The following MYRIP variants were observed in gnomAD, a reference collection of about 807,000 sequenced individuals.
MYRIP encodes rab effector MyRIP.
Under a neutral mutation model 98.0 loss-of-function variants are expected in MYRIP, and 49 were observed. That is an observed-to-expected ratio of 0.50 (90% confidence interval 0.40 to 0.63). The LOEUF (loss-of-function observed/expected upper bound fraction) is 0.63. MYRIP is among the 30% of genes least tolerant of loss of function. The pLI is 0.00. For missense variants in MYRIP, 1,004 were observed against 1,058.2 expected, an observed-to-expected ratio of 0.95 and a Z score of 0.71; for synonymous variants, 404 against 409.5, an observed-to-expected ratio of 0.99 and a Z score of 0.16.
In MYRIP at chr3:39,820,265, G is replaced by T. The variant is rs1046240254; in HGVS notation, c.-31+10349G>T. 1.7e-4 allele frequency among the ~76,000 whole-genome samples: 26 copies of T among 152,174 alleles called. 1 individual carries two copies. Among genetic ancestry groups the T allele is most frequent in the Admixed American group, 6.5e-4 (10 of 15,282 alleles). On this transcript the variant is annotated intron_variant, in intron 1 of 16. Transcript: ENST00000302541. ...TGATATGGTTCCCTCTTTTTGGTGT[G>T]AAATGTAACTATCTCAAAGTGTGTT...
chr3:39,979,517 A>T (rs1400820220), intron 2 of MYRIP, among the ~76,000 whole-genome samples: 1 of 152,120 alleles, frequency 6.6e-6, no homozygotes, highest in Non-Finnish European at 1.5e-5. Context: ...GCATGCCTGT[A>T]ATCCCAGCTA....
chr3:40,190,092 G>C lies in MYRIP; in HGVS notation c.1294G>C (p.Asp432His). The C allele has an allele frequency of 6.2e-7, 1 of 1,613,942 alleles. No individual in the cohort carries two copies. The highest frequency in any genetic ancestry group is 8.5e-7 in the Non-Finnish European group (1 of 1,179,926). ...TCAGCCCACACAGGCCCAGAGCTCTGACCAAGGCCCCATAGCTGCCTCCCC... is the reference window on the plus strand; with the variant it reads ...TCAGCCCACACAGGCCCAGAGCTCTCACCAAGGCCCCATAGCTGCCTCCCC... ...QPQPTQAQSS[D>H]QGPIAASPSS... is the part of the protein sequence containing the mutation. Residue 432 changes from aspartate (D) to histidine (H), a missense_variant, in exon 10 of 17, where the codon GAC becomes CAC. Asp to His is a moderately conservative substitution (Grantham distance 81). Transcript: ENST00000302541.
chr3:40,218,165 CCA>C (rs896502068), intron 11 of MYRIP, among the ~76,000 whole-genome samples: 11 of 151,982 alleles, frequency 7.2e-5, no homozygotes, highest in Non-Finnish European at 1.5e-4. Flanking sequence ...AGACCTATGT[CCA>C]CACACACAGA....
chr3:39,957,974 G>A (rs144740172), intron 2 of MYRIP, among the ~76,000 whole-genome samples: 4,415 of 152,208 alleles, frequency 0.029, 211 homozygotes, highest in African/African-American at 0.1. Flanking sequence ...ACTTACAAGG[G>A]ATGTGAAGGA....
chr3:39,863,644 T>A (rs1445013420), intron 1 of MYRIP, among the ~76,000 whole-genome samples: 1 of 152,180 alleles, frequency 6.6e-6, no homozygotes. Context: ...CAGATCAATA[T>A]GAGTTCTTAA....
chr3:40,092,575 G>C lies in MYRIP; in HGVS notation c.332+48304G>C, dbSNP rs149504255. Among the ~76,000 whole-genome samples the C allele has an allele frequency of 1.2e-4, 18 of 152,326 alleles. No homozygotes were observed. The East Asian group carries it at 3.5e-3, about 29-fold the overall frequency. On this transcript the variant is annotated intron_variant, in intron 3 of 16. Coordinates refer to ENST00000302541, the MANE Select transcript of MYRIP (RefSeq NM_015460.4). ...TCAGGTTGGTCACCCAGAACCCTGT[G>C]AAGGGAAGGTGAAGGTTCTTAAAGT...
chr3:40,102,240 G>A (rs1948958912), intron 3 of MYRIP, among the ~76,000 whole-genome samples: 1 of 152,180 alleles, frequency 6.6e-6, no homozygotes, highest in Non-Finnish European at 1.5e-5. Context: ...ATGAATGAGG[G>A]AAGTATCCTG....
At chr3:39,973,410 T>G (rs892615817) in intron 2 of MYRIP, among the ~76,000 whole-genome samples, 15 of 152,022 alleles carry the variant, frequency 9.9e-5, no homozygotes, top group Non-Finnish European at 4.4e-5. Context: ...AGCAAGTCCT[T>G]AGAGACCTAC....
intron 3 of MYRIP, among the ~76,000 whole-genome samples, chr3:40,136,150 G>A (rs896210901): frequency 4.5e-4 from 68 of 152,152 alleles, no homozygotes; most frequent in South Asian, 1.0e-3. Flanking sequence ...TCTCATGTGC[G>A]GAGACAAACA....
chr3:40,010,293 C>T (rs1371635084), intron 2 of MYRIP, among the ~76,000 whole-genome samples: 3 of 152,190 alleles, frequency 2.0e-5, no homozygotes, highest in East Asian at 1.9e-4. Flanking sequence ...CAGGAACTCA[C>T]GGAAAGCTGG....
chr3:40,108,174 T>TGAGAGAGAGAGAGAGAGAGAGA (rs72224557), intron 3 of MYRIP, among the ~76,000 whole-genome samples: 1 of 138,204 alleles, frequency 7.2e-6, no homozygotes, highest in African/African-American at 2.7e-5. Flanking sequence ...GCAGTGTTTG[T>TGAGAGAGAGAGAGAGAGAGAGA]GAGAGAGAGA....
Position 40,225,979 on chromosome 3 carries a change from C to T in MYRIP, c.1906-7880C>T, listed in dbSNP as rs140294102. On this transcript the variant is annotated intron_variant, in intron 11 of 16. Transcript: ENST00000302541. The stretch of plus-strand genomic sequence containing the variant: ...TGTCCACTGTCCCTAATAGTTCCCC[C>T]TAAGGAACATTTGTAAGTCACAGGG... Among the ~76,000 whole-genome samples, 123 of 152,212 alleles carry T rather than the reference C, an allele frequency of 8.1e-4. 1 individual carries two copies. The highest frequency in any genetic ancestry group is 2.5e-3 in the African/African-American group (104 of 41,540).
chr3:39,823,274 A>G (rs1342984238), intron 1 of MYRIP, among the ~76,000 whole-genome samples: 1 of 152,070 alleles, frequency 6.6e-6, no homozygotes, highest in Non-Finnish European at 1.5e-5. Context: ...TCGGCCTCCC[A>G]AAGTGCTGGG....
intron 2 of MYRIP, among the ~76,000 whole-genome samples, chr3:39,933,121 T>G (rs575831556): frequency 7.0e-4 from 107 of 152,198 alleles, no homozygotes; most frequent in Non-Finnish European, 1.4e-3. Context: ...TATTCACCCA[T>G]CATTGCAAAG....
At chr3:39,822,908 T>C (rs1254228703) in intron 1 of MYRIP, among the ~76,000 whole-genome samples, 2 of 151,876 alleles carry the variant, frequency 1.3e-5, no homozygotes, top group East Asian at 3.9e-4. Flanking sequence ...TCCTGGTGTA[T>C]ATATACACCT....
intron 2 of MYRIP, among the ~76,000 whole-genome samples, chr3:39,956,995 T>C (rs1435714714): frequency 2.0e-5 from 3 of 151,822 alleles, no homozygotes; most frequent in Non-Finnish European, 4.4e-5. Flanking sequence ...GTTGAATCCC[T>C]GAATAGACCA....
chr3:39,845,729 G>A (rs1390294993), intron 1 of MYRIP, among the ~76,000 whole-genome samples: 1 of 151,742 alleles, frequency 6.6e-6, no homozygotes, highest in Non-Finnish European at 1.5e-5. Context: ...ACTCCTGGAT[G>A]ATAAGGGAAT....
At chr3:39,900,107 C>G (rs1380228889) in intron 1 of MYRIP, among the ~76,000 whole-genome samples, 3 of 152,212 alleles carry the variant, frequency 2.0e-5, no homozygotes, top group Non-Finnish European at 4.4e-5. Flanking sequence ...AGGCTTGAGC[C>G]ACTGTGCCCA....
At chr3:40,004,073 C>T (rs1946581194) in intron 2 of MYRIP, among the ~76,000 whole-genome samples, 1 of 152,200 alleles carries the variant, frequency 6.6e-6, no homozygotes, top group Non-Finnish European at 1.5e-5. Context: ...TGTCTATGAA[C>T]ATGTTTCAAT....
Sources: gnomAD v4.1 joint callset for allele counts (sites outside exome capture counted in the v4.1 genomes callset) on GRCh38, gnomAD v4.1.1 for gene constraint, MANE v1.5 for transcripts, NCBI Gene and HGNC (gene_info 2026-07-23, HGNC 2026-07-21) for gene names.